CRACR2A: variants seen among roughly 807,000 people sequenced by gnomAD.
CRACR2A encodes the protein calcium release activated channel regulator 2A.
In CRACR2A, 79 loss-of-function variants were observed where a neutral mutation model predicts 90.5. The ratio of observed to expected loss-of-function variants is 0.87; its 90% confidence interval spans 0.73 to 1.05. The LOEUF is 1.05. CRACR2A is among the 50% of genes least tolerant of loss of function. The pLI is 0.00. For synonymous variants in CRACR2A, 338 were observed against 356.7 expected (o/e 0.95, Z 0.59); for missense variants, 823 against 897.2 (o/e 0.92, Z 1.06).
At chr12:3,655,195 C>T (rs1944877169) in intron 9 of CRACR2A, among the ~76,000 whole-genome samples, 2 of 152,172 alleles carry the variant, frequency 1.3e-5, no homozygotes, top group African/African-American at 4.8e-5. Flanking sequence ...CCTGTGTAAT[C>T]AGGCAAGCAT....
chr12:3,617,817 T>C (rs1312241176), intron 18 of CRACR2A, among the ~76,000 whole-genome samples: 5 of 152,214 alleles, frequency 3.3e-5, no homozygotes, highest in African/African-American at 1.2e-4. Context: ...TGCAGGCCAG[T>C]TGAGTGAGGA....
chr12:3,619,143 C>T (rs374899061), intron 18 of CRACR2A, 128 bp downstream of exon 18: 11 of 675,146 alleles, frequency 1.6e-5, no homozygotes, highest in African/African-American at 1.1e-4. Flanking sequence ...ACCAAGACAC[C>T]CATGTTTTCC....
intron 3 of CRACR2A, among the ~76,000 whole-genome samples, chr12:3,702,499 T>C (rs1050543301): frequency 6.7e-6 from 1 of 148,272 alleles, no homozygotes; most frequent in African/African-American, 2.4e-5. Flanking sequence ...TGTATTTATC[T>C]ATACTAACAA....
chr12:3,691,407 G>A (rs1428965712), intron 4 of CRACR2A, among the ~76,000 whole-genome samples: 1 of 152,100 alleles, frequency 6.6e-6, no homozygotes, highest in Non-Finnish European at 1.5e-5. Flanking sequence ...ACAAAGCTTA[G>A]TTTGGCTGGA....
chr12:3,706,042 A>G (rs1945914260), intron 3 of CRACR2A, among the ~76,000 whole-genome samples: 1 of 152,210 alleles, frequency 6.6e-6, no homozygotes, highest in Non-Finnish European at 1.5e-5. Flanking sequence ...CTGTTTGCAC[A>G]GGTGATAGTA....
chr12:3,733,392 G>T (rs1350397669), intron 1 of CRACR2A, among the ~76,000 whole-genome samples, 182 bp from the exon 2 acceptor site: 1 of 152,196 alleles, frequency 6.6e-6, no homozygotes, highest in East Asian at 1.9e-4. Flanking sequence ...CTCCTCCCCA[G>T]CTCAGAGGCC....
intron 11 of CRACR2A, among the ~76,000 whole-genome samples, chr12:3,645,334 T>C (rs1435206796): frequency 6.6e-6 from 1 of 152,178 alleles, no homozygotes; most frequent in Non-Finnish European, 1.5e-5. Context: ...TGTGCTGGGA[T>C]ACACCTAGTG....
chr12:3,697,160 C>T, intron 3 of CRACR2A, 125 bp from the exon 4 acceptor site: 2 of 1,193,284 alleles, frequency 1.7e-6, no homozygotes, highest in South Asian at 3.3e-5. Context: ...CTCTTAGCAA[C>T]TACCTCTTAA....
intron 2 of CRACR2A, among the ~76,000 whole-genome samples, chr12:3,721,175 G>A (rs1422663936): frequency 6.6e-6 from 1 of 152,034 alleles, no homozygotes; most frequent in Non-Finnish European, 1.5e-5. Flanking sequence ...TTCACCTAGC[G>A]GCTCTATTCA....
intron 14 of CRACR2A, among the ~76,000 whole-genome samples, chr12:3,637,856 C>G (rs1043858753): frequency 6.6e-6 from 1 of 152,202 alleles, no homozygotes; most frequent in Non-Finnish European, 1.5e-5. Flanking sequence ...TGCTAAGAAT[C>G]CTTTGTTCAA....
chr12:3,633,819 C>T lies in CRACR2A; in HGVS notation c.1603-83G>A. Reference sequence around the variant, plus strand: ...CTGCCACCAGAGGCCCTTTACCCATCCCTACAGTGGCCCTCAGGAGGTGCA... The same window carrying T: ...CTGCCACCAGAGGCCCTTTACCCATTCCTACAGTGGCCCTCAGGAGGTGCA... On this transcript the variant is annotated intron_variant, in intron 14 of 19. Coordinates refer to ENST00000440314, the MANE Select transcript of CRACR2A (RefSeq NM_001144958.2). This position sits in a 1 kb window ranked among gnomAD's most constrained non-coding sequence, Gnocchi z 4.5. 1 of 1,532,818 alleles carries T rather than the reference C, an allele frequency of 6.5e-7. No homozygotes were observed. Among genetic ancestry groups the T allele is most frequent in the Non-Finnish European group, 8.8e-7 (1 of 1,138,568 alleles). The allele number at this position is 1,532,818 out of a possible 1,614,324, so 95.0% of individuals were successfully genotyped here.
At position 3,680,335 on chromosome 12, in the gene CRACR2A, C is replaced by T. The variant is rs750427880; in HGVS notation, c.243G>A (p.Glu81=). The T allele has an allele frequency of 6.2e-7, 1 of 1,614,050 alleles. No individual in the cohort carries two copies. The highest frequency in any genetic ancestry group is 8.5e-7 in the Non-Finnish European group (1 of 1,179,950). ...ARKDMQRLHK[E]LPLSLEELED... ...CCAGTTCCTCCAGGCTGAGCGGTAG[C>T]TCCTTATGCAGCCTCTGAAAACAAC... The change falls in exon 5 of 20, where the codon GAG becomes GAA. Residue 81 remains glutamate (E), a synonymous_variant. Transcript: ENST00000440314.
rs12423805 is a variant in CRACR2A, at chr12:3,630,919, G to A, written c.1735+2685C>T. Among the ~76,000 whole-genome samples, 1,446 of 152,296 alleles carry A rather than the reference G, an allele frequency of 9.5e-3. 39 individuals are homozygous for A. Among genetic ancestry groups the A allele is most frequent in the Admixed American group, 0.053 (808 of 15,308 alleles). On this transcript the variant is annotated intron_variant, in intron 15 of 19. Transcript: ENST00000440314. Reference sequence around the variant, plus strand: ...AGACCAGGAAGTTGGAGGACCCCTCGGAGGATGGAGGTGAGCTGGAAGAAC... The same window carrying A: ...AGACCAGGAAGTTGGAGGACCCCTCAGAGGATGGAGGTGAGCTGGAAGAAC...
chr12:3,650,011 T>C (rs1944766042), intron 10 of CRACR2A, among the ~76,000 whole-genome samples: 1 of 152,208 alleles, frequency 6.6e-6, no homozygotes. Flanking sequence ...CCTTCTGTGT[T>C]CTATACCATG....
At chr12:3,723,923 T>A (rs1946222136) in intron 2 of CRACR2A, among the ~76,000 whole-genome samples, 1 of 152,204 alleles carries the variant, frequency 6.6e-6, no homozygotes, top group South Asian at 2.1e-4. Flanking sequence ...TTTAAAGATG[T>A]TTATTTCCAG....
chr12:3,630,570 A>C (rs549977344), intron 15 of CRACR2A, among the ~76,000 whole-genome samples: 47 of 152,320 alleles, frequency 3.1e-4, no homozygotes, highest in Non-Finnish European at 6.2e-4. Flanking sequence ...GAGGTTGTGA[A>C]CCAAAGTGGA....
chr12:3,734,116 G>A (rs1041733582), intron 1 of CRACR2A, among the ~76,000 whole-genome samples: 10 of 151,110 alleles, frequency 6.6e-5, no homozygotes, highest in African/African-American at 2.2e-4. Context: ...GACTACAGGC[G>A]CCCGCCACCA....
intron 14 of CRACR2A, among the ~76,000 whole-genome samples, chr12:3,637,656 G>GT (rs1944480013): frequency 6.6e-6 from 1 of 150,676 alleles, no homozygotes; most frequent in Non-Finnish European, 1.5e-5. Context: ...TTTCTTTTAC[G>GT]TGCCCACCCT....
At chr12:3,673,424 C>A (rs377720928) in intron 7 of CRACR2A, 22 bp downstream of exon 7, 1 of 1,597,318 alleles carries the variant, frequency 6.3e-7, no homozygotes, top group Non-Finnish European at 8.5e-7. Flanking sequence ...TTACAGAAAG[C>A]GGCTGACACT....
Sources: gnomAD v4.1 joint callset for allele counts (sites outside exome capture counted in the v4.1 genomes callset) on GRCh38, gnomAD v4.1.1 for gene constraint, Gnocchi (gnomAD v3.1) non-coding constraint, MANE v1.5 for transcripts, NCBI Gene and HGNC (gene_info 2026-07-23, HGNC 2026-07-21) for gene names.